The following RBFOX1 variants were observed in gnomAD, a reference collection of about 807,000 sequenced individuals.
The protein encoded by RBFOX1 is RNA binding protein fox-1 homolog 1.
A neutral mutation model predicts 57.7 loss-of-function variants in RBFOX1; 8 were observed. The observed-to-expected ratio is 0.14, with a 90% CI of 0.08 to 0.25. The LOEUF (loss-of-function observed/expected upper bound fraction) is 0.25, where lower values mean the gene tolerates loss of function less well. Among genes scored for constraint, RBFOX1 ranks in the 10% least tolerant of loss-of-function variants. RBFOX1 has a pLI of 1.00. For missense variants in RBFOX1, 611 were observed against 548.5 expected (o/e 1.11, Z -1.14); for synonymous variants, 326 against 222.4 (o/e 1.47, Z -4.15).
intron 2 of RBFOX1, among the ~76,000 whole-genome samples, chr16:6,629,323 C>G (rs371235326): frequency 2.6e-5 from 4 of 152,212 alleles, no homozygotes; most frequent in African/African-American, 9.6e-5. Context: ...GATGTAACGT[C>G]CAAGATAAAT....
chr16:5,942,225 C>G (rs972210519), intron 4 of RBFOX1, among the ~76,000 whole-genome samples: 3 of 152,176 alleles, frequency 2.0e-5, no homozygotes, highest in African/African-American at 4.8e-5. Context: ...AAAGCAGCCT[C>G]TCCATAGTTT....
At chr16:6,048,812 G>T (rs1288274359) in intron 1 of RBFOX1, among the ~76,000 whole-genome samples, 1 of 152,098 alleles carries the variant, frequency 6.6e-6, no homozygotes, top group Non-Finnish European at 1.5e-5. Flanking sequence ...GTACTTTAAA[G>T]ACATAGCGTT....
In RBFOX1 at chr16:6,020,435, G is replaced by T. The variant is rs183530960; in HGVS notation, c.-127+443G>T. The stretch of plus-strand genomic sequence containing the variant: ...CAGGAGGAGGCATCTTAGTGACCCG[G>T]GAGGGTGTTTAGGTGCCCCGAACCC... On this transcript the variant is annotated intron_variant, in intron 1 of 15. Transcript: ENST00000550418. Among the ~76,000 whole-genome samples, 3 of 152,264 alleles carry T rather than the reference G, an allele frequency of 2.0e-5. No homozygotes were observed. In the East Asian group the frequency reaches 5.9e-4, roughly 30 times the overall value.
At chr16:7,292,342 A>G (rs2095804456) in intron 4 of RBFOX1, among the ~76,000 whole-genome samples, 2 of 138,734 alleles carry the variant, frequency 1.4e-5, no homozygotes, top group Non-Finnish European at 3.0e-5. Flanking sequence ...TACATGATAT[A>G]TATAATATAT....
At chr16:7,244,702 A>G (rs1767141047) in intron 4 of RBFOX1, among the ~76,000 whole-genome samples, 1 of 152,170 alleles carries the variant, frequency 6.6e-6, no homozygotes, top group South Asian at 2.1e-4. Context: ...GTTTTCACTG[A>G]CTTTCTTCCA....
intron 4 of RBFOX1, among the ~76,000 whole-genome samples, chr16:7,210,887 G>T (rs919706043): frequency 6.6e-6 from 1 of 151,732 alleles, no homozygotes; most frequent in Non-Finnish European, 1.5e-5. Context: ...TGCCAAAAGG[G>T]TAGATTCTAG....
intron 14 of RBFOX1, among the ~76,000 whole-genome samples, chr16:7,685,240 G>A (rs1309781904): frequency 6.6e-6 from 1 of 152,112 alleles, no homozygotes; most frequent in South Asian, 2.1e-4. Flanking sequence ...CACAAACCTT[G>A]CAAGAGATAA....
intron 14 of RBFOX1, among the ~76,000 whole-genome samples, chr16:7,687,030 T>C (rs2076213196): frequency 6.6e-6 from 1 of 152,132 alleles, no homozygotes; most frequent in African/African-American, 2.4e-5. Flanking sequence ...AGGAACTGTG[T>C]CTAAATGAAA....
At chr16:6,670,813 C>T (rs559679527) in intron 3 of RBFOX1, among the ~76,000 whole-genome samples, 4 of 151,904 alleles carry the variant, frequency 2.6e-5, no homozygotes, top group East Asian at 1.9e-4. Context: ...CTAGCTAACA[C>T]GGTGAAACCC....
chr16:6,004,049 A>T (rs1780854105), intron 4 of RBFOX1, among the ~76,000 whole-genome samples: 6 of 152,212 alleles, frequency 3.9e-5, no homozygotes, highest in Admixed American at 3.9e-4. Flanking sequence ...GGTGATTAAG[A>T]ATATGTACTC....
chr16:6,180,729 C>G (rs1309516951), intron 1 of RBFOX1, among the ~76,000 whole-genome samples: 2 of 151,902 alleles, frequency 1.3e-5, no homozygotes, highest in African/African-American at 2.4e-5. Context: ...CCACACCCAG[C>G]TAATTTTTGT....
At chr16:6,159,740 T>A (rs1310852707) in intron 1 of RBFOX1, among the ~76,000 whole-genome samples, 1 of 152,224 alleles carries the variant, frequency 6.6e-6, no homozygotes, top group East Asian at 1.9e-4. Flanking sequence ...TATGTTTCCT[T>A]AAAGATTTCG....
intron 3 of RBFOX1, among the ~76,000 whole-genome samples, chr16:5,819,891 A>G (rs2151800904): frequency 6.6e-6 from 1 of 152,244 alleles, no homozygotes; most frequent in Middle Eastern, 3.4e-3. Flanking sequence ...TCACTTTTTC[A>G]TTCATCACTC....
In RBFOX1 at chr16:5,605,858, G is replaced by A. The variant is rs72763280; in HGVS notation, c.318+6897G>A. ...GGTAATGTCTGCCTTGAGAACAGGA[G>A]GGGAGAGTGCCAACACAGATGCTGT... On this transcript the variant is annotated intron_variant, in intron 3 of 19. Transcript: ENST00000641259. Among the ~76,000 whole-genome samples the A allele has an allele frequency of 9.1e-3, 1,392 of 152,260 alleles. 15 individuals are homozygous for A. Among genetic ancestry groups the A allele is most frequent in the Non-Finnish European group, 0.016 (1,066 of 68,014 alleles).
At chr16:5,599,497 G>T (rs1458614113) in exon 3 of RBFOX1, 1 of 463,130 alleles carries the variant, frequency 2.2e-6, no homozygotes, top group Non-Finnish European at 3.8e-6. Context: ...GAAGTTCCCT[G>T]CACAGATACT....
chr16:7,455,990 A>G (rs1286422283), intron 4 of RBFOX1, among the ~76,000 whole-genome samples: 1 of 152,130 alleles, frequency 6.6e-6, no homozygotes, highest in East Asian at 1.9e-4. Context: ...TATTAAGGGC[A>G]GGGCCAGCTT....
At chr16:5,786,420 A>C (rs2054502057) in intron 3 of RBFOX1, among the ~76,000 whole-genome samples, 1 of 151,408 alleles carries the variant, frequency 6.6e-6, no homozygotes, top group South Asian at 2.1e-4. Context: ...TGTCTCTACC[A>C]CTAGGAGGGA....
chr16:7,480,201 G>A (rs1026500084), intron 4 of RBFOX1, among the ~76,000 whole-genome samples: 2 of 152,184 alleles, frequency 1.3e-5, no homozygotes, highest in African/African-American at 2.4e-5. Flanking sequence ...TTGGGTGAGG[G>A]GATGTTCGTC....
intron 2 of RBFOX1, among the ~76,000 whole-genome samples, chr16:6,635,578 G>T (rs1174068544): frequency 1.3e-5 from 2 of 152,096 alleles, no homozygotes; most frequent in Non-Finnish European, 1.5e-5. Flanking sequence ...CAATAAAAAG[G>T]TTGACAGGGA....
Sources: allele counts gnomAD v4.1 joint callset (sites outside exome capture counted in the v4.1 genomes callset), GRCh38; gene constraint gnomAD v4.1.1; transcripts MANE v1.5; gene names NCBI Gene and HGNC (gene_info 2026-07-23, HGNC 2026-07-21).